SLC24A2: variants seen among roughly 807,000 people sequenced by gnomAD.
The protein encoded by SLC24A2 is sodium/potassium/calcium exchanger 2.
In SLC24A2, 36 loss-of-function variants were observed where a neutral mutation model predicts 62.0. That is an observed-to-expected ratio of 0.58 (90% CI 0.44 to 0.77). The LOEUF (loss-of-function observed/expected upper bound fraction) is 0.77, where lower values mean the gene tolerates loss of function less well. Among genes scored for constraint, SLC24A2 ranks in the 30% least tolerant of loss-of-function variants. The pLI is 0.00. For missense variants in SLC24A2, 846 were observed against 817.9 expected, an observed-to-expected ratio of 1.03 and a Z score of -0.42; for synonymous variants, 358 against 294.0, an observed-to-expected ratio of 1.22 and a Z score of -2.23.
chr9:19,844,569 G>A, the SLC24A2 span, among the ~76,000 whole-genome samples: 1 of 152,006 alleles, frequency 6.6e-6, no homozygotes, highest in Admixed American at 6.6e-5. Flanking sequence ...TGCTTTTGGG[G>A]ATTTAGTCAT....
chr9:20,032,760 C>T, the SLC24A2 span, among the ~76,000 whole-genome samples: 2,259 of 152,058 alleles, frequency 0.015, 59 homozygotes, highest in African/African-American at 0.052. Context: ...GAGGTGGTGG[C>T]GGGAGCTGGT....
the SLC24A2 span, among the ~76,000 whole-genome samples, chr9:19,802,078 TTAGAG>T: frequency 6.6e-6 from 1 of 152,214 alleles, no homozygotes; most frequent in Non-Finnish European, 1.5e-5. Context: ...AATATAAACT[TTAGAG>T]TAAATTTATT....
the SLC24A2 span, among the ~76,000 whole-genome samples, chr9:20,280,056 T>C: frequency 6.6e-6 from 1 of 152,236 alleles, no homozygotes; most frequent in Admixed American, 6.5e-5. Flanking sequence ...AAATAGGCTA[T>C]TGCCTATGGC....
the SLC24A2 span, among the ~76,000 whole-genome samples, chr9:19,804,380 TA>T: frequency 6.6e-6 from 1 of 152,188 alleles, no homozygotes; most frequent in East Asian, 1.9e-4. Flanking sequence ...ACTCTTTTGT[TA>T]AATTTAATCT....
the SLC24A2 span, among the ~76,000 whole-genome samples, chr9:19,955,522 C>A: frequency 2.6e-5 from 4 of 151,856 alleles, no homozygotes; most frequent in African/African-American, 9.7e-5. Flanking sequence ...ATGGAAAGGT[C>A]AGCTACTTTT....
At chr9:19,642,200 C>T (rs1045640834) in intron 2 of SLC24A2, among the ~76,000 whole-genome samples, 12 of 152,082 alleles carry the variant, frequency 7.9e-5, no homozygotes, top group Non-Finnish European at 1.6e-4. Flanking sequence ...TAGGAGATGT[C>T]CCAGCTTTTA....
chr9:19,549,419 A>G (rs890291382), intron 8 of SLC24A2, among the ~76,000 whole-genome samples: 1 of 152,218 alleles, frequency 6.6e-6, no homozygotes, highest in African/African-American at 2.4e-5. Context: ...GCTTTGGTCA[A>G]TAGGGCATAG....
At chr9:20,267,557 C>A in the SLC24A2 span, among the ~76,000 whole-genome samples, 11 of 152,108 alleles carry the variant, frequency 7.2e-5, no homozygotes, top group Non-Finnish European at 1.5e-4. Flanking sequence ...CTAGAATAGG[C>A]GCTCAGGGAA....
At chr9:20,237,084 G>A in the SLC24A2 span, among the ~76,000 whole-genome samples, 1 of 152,136 alleles carries the variant, frequency 6.6e-6, no homozygotes, top group African/African-American at 2.4e-5. Flanking sequence ...ATCTAATCTG[G>A]GGGCTCAGGG....
At chr9:19,838,815 A>C in the SLC24A2 span, among the ~76,000 whole-genome samples, 5 of 151,732 alleles carry the variant, frequency 3.3e-5, no homozygotes, top group Non-Finnish European at 5.9e-5. Context: ...ATTACCCTTC[A>C]GGACATAGGC....
At chr9:20,019,291 G>GAAAGAAAA in the SLC24A2 span, among the ~76,000 whole-genome samples, 4 of 149,728 alleles carry the variant, frequency 2.7e-5, no homozygotes, top group Admixed American at 6.7e-5. Context: ...AAGAAAGAAA[G>GAAAGAAAA]AAAGAAAGAA....
At position 19,575,169 on chromosome 9, in the gene SLC24A2, ATTTACTTTAT is replaced by A. The variant is rs1835970232; in HGVS notation, c.1229-1710_1229-1701del. Among the ~76,000 whole-genome samples the A allele has an allele frequency of 2.0e-5, 3 of 152,322 alleles. No homozygotes were observed. The South Asian group carries it at 6.2e-4, about 32-fold the overall frequency. ...AATACGGAAAACCATAGAAACTCAA[ATTTACTTTAT>A]CTTTCCAAGTTTTTAGTAGTGACAG... On this transcript the variant is annotated intron_variant, in intron 6 of 10. Coordinates refer to ENST00000341998, the MANE Select transcript of SLC24A2 (RefSeq NM_020344.4).
chr9:20,293,880 A>C, the SLC24A2 span, among the ~76,000 whole-genome samples: 1 of 151,984 alleles, frequency 6.6e-6, no homozygotes, highest in Non-Finnish European at 1.5e-5. Flanking sequence ...AGTCCATTTA[A>C]CTTCACATAG....
the SLC24A2 span, among the ~76,000 whole-genome samples, chr9:20,121,539 T>G: frequency 6.6e-6 from 1 of 152,160 alleles, no homozygotes; most frequent in East Asian, 1.9e-4. Flanking sequence ...ACCTACTATA[T>G]GCAAAGCTGT....
upstream of SLC24A2, among the ~76,000 whole-genome samples, chr9:19,789,099 C>CTGGGCTG (rs1419496669): frequency 6.6e-6 from 1 of 151,538 alleles, no homozygotes; most frequent in Non-Finnish European, 1.5e-5. Context: ...GCCCCTCCCT[C>CTGGGCTG]TGGGCTGTGC....
chr9:19,885,510 T>C, the SLC24A2 span, among the ~76,000 whole-genome samples: 1 of 152,182 alleles, frequency 6.6e-6, no homozygotes, highest in Non-Finnish European at 1.5e-5. Context: ...CCTCTCCCCA[T>C]TTTATAGATG....
chr9:20,065,821 A>G, the SLC24A2 span, among the ~76,000 whole-genome samples: 1 of 152,136 alleles, frequency 6.6e-6, no homozygotes, highest in Non-Finnish European at 1.5e-5. Context: ...TAGATAGTTT[A>G]AAAACATGTT....
intron 2 of SLC24A2, among the ~76,000 whole-genome samples, chr9:19,740,568 G>A (rs932379367): frequency 3.3e-5 from 5 of 152,202 alleles, no homozygotes; most frequent in Admixed American, 6.5e-5. Flanking sequence ...AACTAAGAGA[G>A]TACTACAGAG....
At chr9:19,828,876 C>A in the SLC24A2 span, among the ~76,000 whole-genome samples, 2 of 152,050 alleles carry the variant, frequency 1.3e-5, no homozygotes, top group South Asian at 2.1e-4. Context: ...CTCAGAGAAG[C>A]CTTGGCTCCA....
Sources: allele counts gnomAD v4.1 joint callset (sites outside exome capture counted in the v4.1 genomes callset), GRCh38; gene constraint gnomAD v4.1.1; transcripts MANE v1.5; gene names NCBI Gene and HGNC (gene_info 2026-07-23, HGNC 2026-07-21).